GNAZ: variants seen among roughly 807,000 people sequenced by gnomAD.
GNAZ encodes G protein subunit alpha z.
Under a neutral mutation model 25.4 loss-of-function variants are expected in GNAZ, and 3 were observed. That is an observed-to-expected ratio of 0.12 (90% CI 0.05 to 0.30). GNAZ has a LOEUF of 0.30. Ranked by LOEUF, GNAZ falls within the 10% of genes least tolerant of loss-of-function variation. The pLI, the probability that GNAZ is intolerant of heterozygous loss-of-function variation, is 1.00. For synonymous variants in GNAZ, 211 were observed against 205.7 expected, an observed-to-expected ratio of 1.03 and a Z score of -0.22; for missense variants, 241 against 501.8, an observed-to-expected ratio of 0.48 and a Z score of 4.97.
intron 2 of GNAZ, among the ~76,000 whole-genome samples, chr22:23,118,837 C>T (rs2069928052): frequency 6.6e-6 from 1 of 152,218 alleles, no homozygotes. Flanking sequence ...TTTAACCCTG[C>T]CAGGCCAGGG....
intron 2 of GNAZ, among the ~76,000 whole-genome samples, chr22:23,098,818 C>T (rs1250959693): frequency 1.3e-5 from 2 of 152,244 alleles, no homozygotes; most frequent in South Asian, 4.1e-4. Flanking sequence ...GGTGAGCTGG[C>T]CCCCAGAGTG....
chr22:23,095,581 A>C lies in GNAZ; in HGVS notation c.-115A>C, dbSNP rs1202151115. 8.4e-7 allele frequency: 1 copy of C among 1,192,250 alleles called. No homozygotes were observed. Among genetic ancestry groups the C allele is most frequent in the African/African-American group, 1.5e-5 (1 of 64,856 alleles). 73.9% of individuals were successfully genotyped at this position (1,192,250 alleles called of 1,614,324 possible). ...GGCTCGGCCTCACCCCCCTGCTGGC[A>C]CTGAGTGCCTCCAGGGCAGCTGGGC... On this transcript the variant is annotated 5_prime_UTR_variant, in exon 2 of 3. Coordinates refer to ENST00000615612, the MANE Select transcript of GNAZ (RefSeq NM_002073.4).
At chr22:23,101,869 G>C (rs901582122) in intron 2 of GNAZ, among the ~76,000 whole-genome samples, 1 of 152,204 alleles carries the variant, frequency 6.6e-6, no homozygotes, top group African/African-American at 2.4e-5. Context: ...GCAGCACCCT[G>C]ATGGCACCTC....
chr22:23,076,593 T>G (rs1443540611), intron 1 of GNAZ, among the ~76,000 whole-genome samples: 2 of 152,154 alleles, frequency 1.3e-5, no homozygotes, highest in South Asian at 4.1e-4. Flanking sequence ...TGGGTTACTC[T>G]CAAGCCAGAG....
At chr22:23,080,619 A>G (rs573731040) in intron 1 of GNAZ, among the ~76,000 whole-genome samples, 41 of 152,198 alleles carry the variant, frequency 2.7e-4, no homozygotes, top group African/African-American at 9.6e-4. Context: ...TTGTGGGGAG[A>G]GTGTAGAGAA....
Position 23,095,662 on chromosome 22 carries a change from C to A in GNAZ, c.-34C>A. On this transcript the variant is annotated 5_prime_UTR_variant, in exon 2 of 3. Transcript: ENST00000615612. ...GGCAAGAGGGAGAGGTGCCCCATCC[C>A]GTGCTCCTTGTCTGGGCCCGCTGCT... 6.4e-7 allele frequency: 1 copy of A among 1,570,934 alleles called. No individual in the cohort carries two copies.
At position 23,117,214 on chromosome 22, in the gene GNAZ, G is replaced by C. The variant is rs542295756; in HGVS notation, c.724-5873G>C. 2.7e-5 allele frequency among the ~76,000 whole-genome samples: 4 copies of C among 150,212 alleles called. No individual in the cohort carries two copies. In the South Asian group the frequency reaches 6.3e-4, roughly 24 times the overall value. On this transcript the variant is annotated intron_variant, in intron 2 of 2. Transcript: ENST00000615612. ...TCTGTGCCCCACAAACAGAGGGACC[G>C]GCTGTAAGGAGACTGGCCTGATGGG...
chr22:23,088,193 G>C (rs1466362205), intron 1 of GNAZ, among the ~76,000 whole-genome samples: 1 of 152,226 alleles, frequency 6.6e-6, no homozygotes, highest in East Asian at 1.9e-4. Flanking sequence ...TACTCACGCA[G>C]CAAGTCAAGT....
intron 1 of GNAZ, among the ~76,000 whole-genome samples, chr22:23,087,518 C>T (rs911118086): frequency 5.3e-5 from 8 of 152,082 alleles, no homozygotes; most frequent in South Asian, 2.1e-4. Flanking sequence ...TAGACAGAGC[C>T]GATTCTTCAA....
chr22:23,095,485 G>C lies in GNAZ; in HGVS notation c.-211G>C, dbSNP rs1043772353. Reference sequence around the variant, plus strand: ...AGGTGGAGTGTCACTAGTGGGGAGGGGCGGCCACCGCCCGCTGCACAGAGC... The same window carrying C: ...AGGTGGAGTGTCACTAGTGGGGAGGCGCGGCCACCGCCCGCTGCACAGAGC... On this transcript the variant is annotated 5_prime_UTR_variant, in exon 2 of 3. Transcript: ENST00000615612. 5.5e-5 allele frequency: 32 copies of C among 579,778 alleles called. No individual in the cohort carries two copies. The Admixed American group carries it at 8.0e-4, about 15-fold the overall frequency. The allele number at this position is 579,778 out of a possible 1,614,324, so 35.9% of individuals were successfully genotyped here.
At chr22:23,075,538 C>T (rs1569159974) in intron 1 of GNAZ, among the ~76,000 whole-genome samples, 1 of 152,198 alleles carries the variant, frequency 6.6e-6, no homozygotes, top group Non-Finnish European at 1.5e-5. Context: ...TGCCACATCA[C>T]AGAGTTTTGA....
Position 23,124,398 on chromosome 22 carries a change from C to T in GNAZ, c.*967C>T, listed in dbSNP as rs2070119072. 2.1e-6 allele frequency: 1 copy of T among 469,838 alleles called. No homozygotes were observed. The highest frequency in any genetic ancestry group is 2.0e-5 in the African/African-American group (1 of 50,022). 29.1% of individuals were successfully genotyped at this position (469,838 alleles called of 1,614,324 possible). A position where few individuals can be genotyped will look rare whatever the true frequency, so the allele number is the denominator to read the frequency against. ...TATCTGGACGATCTGTCTCTCTGCT[C>T]CAAAGAAATTTTGGAGTGAGTGGCA... On this transcript the variant is annotated 3_prime_UTR_variant, in exon 3 of 3. Transcript: ENST00000615612.
Position 23,072,742 on chromosome 22 carries a change from TG to T in GNAZ, c.-450+2175del, listed in dbSNP as rs543337240. ...GTTGCAGGGACCTGGCATGTGACTG[TG>T]GGTTTGGGACACAGGGAATGGATTC... is the stretch of plus-strand genomic sequence containing the variant. On this transcript the variant is annotated intron_variant, in intron 1 of 2. Coordinates refer to ENST00000615612, the MANE Select transcript of GNAZ (RefSeq NM_002073.4). Among the ~76,000 whole-genome samples the T allele has an allele frequency of 1.7e-3, 264 of 152,338 alleles. 1 individual carries two copies. Among genetic ancestry groups the T allele is most frequent in the African/African-American group, 5.7e-3 (239 of 41,576 alleles).
chr22:23,093,966 G>A (rs1324956719), intron 1 of GNAZ, among the ~76,000 whole-genome samples: 1 of 152,202 alleles, frequency 6.6e-6, no homozygotes, highest in Non-Finnish European at 1.5e-5. Context: ...AGGGGCAAGG[G>A]ACAGTGAGGG....
chr22:23,097,888 G>A (rs2146322543), intron 2 of GNAZ, among the ~76,000 whole-genome samples: 1 of 152,356 alleles, frequency 6.6e-6, no homozygotes, highest in East Asian at 1.9e-4. Context: ...CACCACAGTG[G>A]CAGGCGTGGC....
chr22:23,090,624 C>T (rs1037032982), intron 1 of GNAZ, among the ~76,000 whole-genome samples: 7 of 152,174 alleles, frequency 4.6e-5, no homozygotes, highest in Admixed American at 2.0e-4. Context: ...ACTTCAGGGC[C>T]TTTGTGCCGG....
intron 1 of GNAZ, among the ~76,000 whole-genome samples, chr22:23,090,633 G>A (rs1414559610): frequency 2.0e-5 from 3 of 152,114 alleles, no homozygotes; most frequent in African/African-American, 7.2e-5. Context: ...CCTTTGTGCC[G>A]GTGGTTCCCT....
At chr22:23,090,425 C>T (rs1395073713) in intron 1 of GNAZ, among the ~76,000 whole-genome samples, 1 of 152,186 alleles carries the variant, frequency 6.6e-6, no homozygotes, top group Non-Finnish European at 1.5e-5. Flanking sequence ...TGGATGTTTG[C>T]ATCCAGGAGC....
rs768056901 is a variant in GNAZ, at chr22:23,096,383, G to A, written c.688G>A (p.Gly230Ser). 12 of 1,611,978 alleles carry A rather than the reference G, an allele frequency of 7.4e-6. No homozygotes were observed. The highest frequency in any genetic ancestry group is 1.6e-4 in the Middle Eastern group (1 of 6,084). ...CATCATCTTCTGTGTGGAGCTCAGC[G>A]GCTACGACCTGAAACTCTACGAGGA... is the stretch of plus-strand genomic sequence containing the variant. ...TAIIFCVELS[G>S]YDLKLYEDNQ... Residue 230 changes from glycine (G) to serine (S), a missense_variant, in exon 2 of 3, where the codon GGC (glycine) becomes AGC (serine). Transcript: ENST00000615612.
Sources: gnomAD v4.1 joint callset for allele counts (sites outside exome capture counted in the v4.1 genomes callset) on GRCh38, gnomAD v4.1.1 for gene constraint, MANE v1.5 for transcripts, NCBI Gene and HGNC (gene_info 2026-07-23, HGNC 2026-07-21) for gene names.